The following CNTN5 variants were observed in gnomAD, a reference collection of about 807,000 sequenced individuals.
CNTN5 encodes contactin-5.
In CNTN5, 77 loss-of-function variants were observed where a neutral mutation model predicts 129.1. That is an observed-to-expected ratio of 0.60 (90% CI 0.50 to 0.72). The LOEUF (loss-of-function observed/expected upper bound fraction) is 0.72. Among genes scored for constraint, CNTN5 ranks in the 30% least tolerant of loss-of-function variants. CNTN5 has a pLI of 0.00. For missense variants in CNTN5, 1,478 were observed against 1,328.8 expected (o/e 1.11, Z -1.75); for synonymous variants, 509 against 465.6 (o/e 1.09, Z -1.20).
intron 3 of CNTN5, among the ~76,000 whole-genome samples, chr11:99,774,998 T>G (rs544183101): frequency 9.2e-5 from 14 of 152,236 alleles, no homozygotes; most frequent in African/African-American, 2.6e-4. Flanking sequence ...GGTTCAGGTC[T>G]GTGGACCTGA....
At chr11:99,024,800 A>C (rs1591062367) in intron 1 of CNTN5, among the ~76,000 whole-genome samples, 1 of 108,370 alleles carries the variant, frequency 9.2e-6, no homozygotes, top group Admixed American at 9.0e-5. Context: ...TGGAAATAAA[A>C]AAAAGAATCT....
At chr11:100,079,225 T>C (rs557520802) in intron 13 of CNTN5, among the ~76,000 whole-genome samples, 14 of 152,138 alleles carry the variant, frequency 9.2e-5, no homozygotes, top group Non-Finnish European at 1.5e-4. Flanking sequence ...CTAACCGTAT[T>C]AATATAATTT....
intron 3 of CNTN5, among the ~76,000 whole-genome samples, chr11:99,755,126 T>A (rs1379792699): frequency 1.3e-5 from 2 of 152,300 alleles, no homozygotes; most frequent in East Asian, 3.9e-4. Flanking sequence ...ATGCCTCACT[T>A]GCGGAATGAC....
At position 99,680,533 on chromosome 11, in the gene CNTN5, GCTCAGAAAAAAAGA is replaced by G. The variant is rs1279655297; in HGVS notation, c.55+124269_55+124282del. The stretch of plus-strand genomic sequence containing the variant: ...TTTAAGCCCACTGTCGAGATTTAAT[GCTCAGAAAAAAAGA>G]CTCATTTCAAAACATGACGGCTCAT... On this transcript the variant is annotated intron_variant, in intron 3 of 24. Coordinates refer to ENST00000524871, the MANE Select transcript of CNTN5 (RefSeq NM_014361.4). 1.8e-3 allele frequency among the ~76,000 whole-genome samples: 278 copies of G among 152,216 alleles called. 1 individual carries two copies. Among genetic ancestry groups the G allele is most frequent in the African/African-American group, 6.3e-3 (260 of 41,528 alleles).
chr11:99,135,048 T>C (rs1859148784), intron 1 of CNTN5, among the ~76,000 whole-genome samples: 1 of 152,162 alleles, frequency 6.6e-6, no homozygotes, highest in East Asian at 1.9e-4. Context: ...AACACTATAA[T>C]ATAAGCCTTG....
chr11:99,934,326 T>G (rs1950258595), intron 7 of CNTN5, among the ~76,000 whole-genome samples: 1 of 152,198 alleles, frequency 6.6e-6, no homozygotes, highest in African/African-American at 2.4e-5. Flanking sequence ...CTTTACAGTT[T>G]CTAGACAGAA....
At chr11:99,050,863 T>A (rs1263474780) in intron 1 of CNTN5, among the ~76,000 whole-genome samples, 1 of 151,944 alleles carries the variant, frequency 6.6e-6, no homozygotes, top group African/African-American at 2.4e-5. Flanking sequence ...TAACTACAGC[T>A]TGCTCTTTTA....
chr11:99,723,555 C>G (rs1943241653), intron 3 of CNTN5, among the ~76,000 whole-genome samples: 1 of 152,104 alleles, frequency 6.6e-6, no homozygotes, highest in Non-Finnish European at 1.5e-5. Flanking sequence ...TGCATTTATA[C>G]TCTGTTTTAT....
At chr11:99,180,514 C>A (rs1167943852) in intron 1 of CNTN5, among the ~76,000 whole-genome samples, 2 of 152,082 alleles carry the variant, frequency 1.3e-5, no homozygotes, top group African/African-American at 2.4e-5. Context: ...TTGTGATTGT[C>A]TATTGTTTTC....
rs562724343 is a variant in CNTN5, at chr11:100,146,864, C to G, written c.1581-44262C>G. ...ACATATTAGTAGAAATTTATTGTGT[C>G]AGCTCTTTGTAATATATTTCACTAA... is the stretch of plus-strand genomic sequence containing the variant. On this transcript the variant is annotated intron_variant, in intron 13 of 24. Coordinates refer to ENST00000524871, the MANE Select transcript of CNTN5 (RefSeq NM_014361.4). 7.1e-4 allele frequency among the ~76,000 whole-genome samples: 108 copies of G among 152,154 alleles called. 1 individual carries two copies. Among genetic ancestry groups the G allele is most frequent in the Middle Eastern group, 3.4e-3 (1 of 294 alleles).
At chr11:99,086,605 C>T (rs1435234803) in intron 1 of CNTN5, among the ~76,000 whole-genome samples, 2 of 152,116 alleles carry the variant, frequency 1.3e-5, no homozygotes, top group Non-Finnish European at 2.9e-5. Context: ...TTTGTTTTCT[C>T]ATCAACATTA....
chr11:100,038,607 C>T (rs1333204672), intron 9 of CNTN5, among the ~76,000 whole-genome samples: 2 of 152,030 alleles, frequency 1.3e-5, no homozygotes, highest in African/African-American at 4.8e-5. Flanking sequence ...GAGTCTAAGT[C>T]TCTTTGTAGG....
At chr11:99,641,508 C>T (rs1951769439) in intron 3 of CNTN5, among the ~76,000 whole-genome samples, 1 of 152,112 alleles carries the variant, frequency 6.6e-6, no homozygotes, top group Non-Finnish European at 1.5e-5. Context: ...CGTAGGAGGG[C>T]ATGTCCTGGA....
At chr11:99,454,961 G>T (rs1223809903) in intron 2 of CNTN5, among the ~76,000 whole-genome samples, 3 of 151,962 alleles carry the variant, frequency 2.0e-5, no homozygotes, top group African/African-American at 7.3e-5. Flanking sequence ...CAAAGCCATT[G>T]GTTTGTTTGG....
At chr11:99,848,817 G>A (rs892602350) in intron 6 of CNTN5, among the ~76,000 whole-genome samples, 9 of 152,072 alleles carry the variant, frequency 5.9e-5, no homozygotes, top group Admixed American at 2.0e-4. Flanking sequence ...CATGAAGGAG[G>A]ACTGTATTAC....
At chr11:99,456,630 A>ATT (rs1243179772) in intron 2 of CNTN5, among the ~76,000 whole-genome samples, 1 of 152,018 alleles carries the variant, frequency 6.6e-6, no homozygotes, top group Admixed American at 6.6e-5. Context: ...TTGGGCCTAC[A>ATT]TTTTTCTATG....
chr11:99,485,928 A>G (rs767470811), intron 2 of CNTN5, among the ~76,000 whole-genome samples: 2 of 152,048 alleles, frequency 1.3e-5, no homozygotes, highest in Non-Finnish European at 2.9e-5. Context: ...CTTTGTAATC[A>G]TGGACTAATA....
chr11:99,267,924 A>ATG (rs1565450343), intron 1 of CNTN5, among the ~76,000 whole-genome samples: 7 of 86,586 alleles, frequency 8.1e-5, no homozygotes, highest in Non-Finnish European at 1.6e-4. Context: ...ACACACGCAC[A>ATG]CACACACACA....
At chr11:99,907,395 G>A (rs912189603) in intron 6 of CNTN5, among the ~76,000 whole-genome samples, 11 of 151,956 alleles carry the variant, frequency 7.2e-5, no homozygotes, top group African/African-American at 2.4e-4. Context: ...ACCGTCAGGA[G>A]GTTGGGGTGG....
Sources: gnomAD v4.1 joint callset for allele counts (sites outside exome capture counted in the v4.1 genomes callset) on GRCh38, gnomAD v4.1.1 for gene constraint, MANE v1.5 for transcripts, NCBI Gene and HGNC (gene_info 2026-07-23, HGNC 2026-07-21) for gene names.